Variants in PCDH15 observed in about 807,000 individuals in gnomAD.
PCDH15 encodes protocadherin related 15, also known as protocadherin-15.
A neutral mutation model predicts 178.5 loss-of-function variants in PCDH15; 129 were observed. The observed-to-expected ratio is 0.72, with a 90% CI of 0.63 to 0.84. PCDH15 has a LOEUF of 0.84. Among genes scored for constraint, PCDH15 ranks in the 40% least tolerant of loss-of-function variants. The pLI is 0.00. For synonymous variants in PCDH15, 800 were observed against 732.0 expected, an observed-to-expected ratio of 1.09 and a Z score of -1.50; for missense variants, 2,230 against 2,099.9, an observed-to-expected ratio of 1.06 and a Z score of -1.21.
chr10:55,490,808 A>C (rs1379601798), intron 2 of PCDH15, among the ~76,000 whole-genome samples: 1 of 151,820 alleles, frequency 6.6e-6, no homozygotes, highest in Admixed American at 6.6e-5. Flanking sequence ...ATAAAGCTTA[A>C]GGAAGATAAA....
chr10:54,950,452 G>C (rs1216246981), intron 2 of PCDH15, among the ~76,000 whole-genome samples: 2 of 151,956 alleles, frequency 1.3e-5, no homozygotes, highest in Non-Finnish European at 2.9e-5. Flanking sequence ...TTAAAATCAT[G>C]AGTTTCTCTG....
intron 3 of PCDH15, among the ~76,000 whole-genome samples, chr10:54,520,698 G>C (rs2082758330): frequency 3.3e-5 from 5 of 151,272 alleles, no homozygotes. Context: ...ATTTGACCCA[G>C]CCATCCCATT....
At chr10:55,246,185 C>A (rs754453731) in intron 1 of PCDH15, among the ~76,000 whole-genome samples, 1 of 152,168 alleles carries the variant, frequency 6.6e-6, no homozygotes, top group African/African-American at 2.4e-5. Flanking sequence ...TTTTAGAAGT[C>A]TCACCATAAT....
intron 2 of PCDH15, among the ~76,000 whole-genome samples, chr10:54,574,341 T>C (rs1000312252): frequency 2.0e-5 from 3 of 149,514 alleles, no homozygotes; most frequent in Non-Finnish European, 3.0e-5. Context: ...GTTGTAGATA[T>C]GTGGCGTTAT....
intron 3 of PCDH15, among the ~76,000 whole-genome samples, chr10:54,421,311 T>C (rs1228265052): frequency 6.6e-6 from 1 of 151,648 alleles, no homozygotes; most frequent in East Asian, 1.9e-4. Context: ...TCTGACTCTG[T>C]AGTTTTTTTA....
chr10:54,321,509 A>T (rs1198115455), intron 7 of PCDH15, among the ~76,000 whole-genome samples: 1 of 151,874 alleles, frequency 6.6e-6, no homozygotes, highest in African/African-American at 2.4e-5. Flanking sequence ...ATGCATATAA[A>T]TGCCAGAGGC....
chr10:54,459,743 T>G (rs2077055932), intron 3 of PCDH15, among the ~76,000 whole-genome samples: 1 of 152,156 alleles, frequency 6.6e-6, no homozygotes, highest in South Asian at 2.1e-4. Flanking sequence ...CTAAAAAATC[T>G]ATTCCAGTGC....
intron 2 of PCDH15, among the ~76,000 whole-genome samples, chr10:54,930,123 CT>C (rs1488206158): frequency 6.6e-6 from 1 of 152,176 alleles, no homozygotes; most frequent in African/African-American, 2.4e-5. Context: ...ACATCTCCAT[CT>C]TTCCTTTTCC....
intron 1 of PCDH15, among the ~76,000 whole-genome samples, chr10:55,265,579 C>T (rs1274584378): frequency 1.3e-5 from 2 of 152,008 alleles, no homozygotes; most frequent in Admixed American, 1.3e-4. Context: ...CAGTGAATGA[C>T]TCTAAATGGG....
intron 2 of PCDH15, among the ~76,000 whole-genome samples, chr10:55,554,192 T>C (rs138833287): frequency 7.1e-4 from 108 of 152,200 alleles, no homozygotes; most frequent in Middle Eastern, 6.8e-3. Context: ...CATTCTCCAG[T>C]GCCACATTTG....
intron 2 of PCDH15, among the ~76,000 whole-genome samples, chr10:55,038,510 G>A (rs1331067580): frequency 6.6e-6 from 1 of 152,140 alleles, no homozygotes; most frequent in Non-Finnish European, 1.5e-5. Context: ...TTAAAGTGAG[G>A]CAAAACTGGA....
chr10:54,679,062 C>T lies in PCDH15; in HGVS notation c.-28-14772G>A, dbSNP rs1375606240. Among the ~76,000 whole-genome samples the T allele has an allele frequency of 7.3e-5, 11 of 151,368 alleles. No homozygotes were observed. The South Asian group carries it at 8.3e-4, about 11-fold the overall frequency. On this transcript the variant is annotated intron_variant, in intron 1 of 37. Coordinates refer to ENST00000644397, the MANE Select transcript of PCDH15 (RefSeq NM_001384140.1). Reference sequence around the variant, plus strand: ...AAAATTAGCCGGGCGTGTTGGCGGGCGCCTGTAGTCCCAGCTACTTGGGAG... The same window carrying T: ...AAAATTAGCCGGGCGTGTTGGCGGGTGCCTGTAGTCCCAGCTACTTGGGAG...
chr10:54,380,116 A>G (rs976756862), intron 3 of PCDH15, among the ~76,000 whole-genome samples: 3 of 152,064 alleles, frequency 2.0e-5, no homozygotes, highest in Non-Finnish European at 4.4e-5. Flanking sequence ...TTTCTTTATC[A>G]TACTACTACT....
chr10:55,378,140 T>C (rs1837444392), intron 2 of PCDH15, among the ~76,000 whole-genome samples: 1 of 152,106 alleles, frequency 6.6e-6, no homozygotes, highest in Non-Finnish European at 1.5e-5. Flanking sequence ...CAGACCACCA[T>C]GGCACGTTTA....
At chr10:54,295,855 T>G (rs1430918251) in intron 8 of PCDH15, among the ~76,000 whole-genome samples, 1 of 151,840 alleles carries the variant, frequency 6.6e-6, no homozygotes, top group Non-Finnish European at 1.5e-5. Flanking sequence ...CAGTTAAAAG[T>G]GGTTGGTGGC....
chr10:55,473,664 G>C (rs1012569491), intron 2 of PCDH15, among the ~76,000 whole-genome samples: 3 of 152,040 alleles, frequency 2.0e-5, no homozygotes, highest in Admixed American at 1.3e-4. Context: ...ATTGGTGATG[G>C]ATCTAAAAAT....
chr10:55,450,915 T>C (rs1324448276), intron 2 of PCDH15, among the ~76,000 whole-genome samples: 1 of 147,786 alleles, frequency 6.8e-6, no homozygotes, highest in East Asian at 2.0e-4. Context: ...ATGTGAAAAT[T>C]ATATTTTAAG....
intron 26 of PCDH15, among the ~76,000 whole-genome samples, chr10:53,886,413 G>A (rs937719953): frequency 1.8e-4 from 28 of 151,980 alleles, no homozygotes; most frequent in Non-Finnish European, 2.9e-4. Flanking sequence ...TTTTTATAAT[G>A]TCCTTTATAT....
chr10:55,312,550 C>G (rs928835583), intron 1 of PCDH15, among the ~76,000 whole-genome samples: 5 of 151,552 alleles, frequency 3.3e-5, no homozygotes, highest in Non-Finnish European at 7.4e-5. Context: ...CCATGATGCT[C>G]TCATTGAATA....
Sources: allele counts gnomAD v4.1 joint callset (sites outside exome capture counted in the v4.1 genomes callset), GRCh38; gene constraint gnomAD v4.1.1; transcripts MANE v1.5; gene names NCBI Gene and HGNC (gene_info 2026-07-23, HGNC 2026-07-21).